The following CNTNAP5 variants were observed in gnomAD, a reference collection of about 807,000 sequenced individuals.
The protein encoded by CNTNAP5 is contactin associated protein family member 5.
A neutral mutation model predicts 150.2 loss-of-function variants in CNTNAP5; 72 were observed. The observed-to-expected ratio is 0.48, with a 90% CI of 0.40 to 0.58. CNTNAP5 has a LOEUF of 0.58. Ranked by LOEUF, CNTNAP5 falls within the 20% of genes least tolerant of loss-of-function variation. CNTNAP5 has a pLI of 0.00. For synonymous variants in CNTNAP5, 672 were observed against 619.8 expected (o/e 1.08, Z -1.25); for missense variants, 1,636 against 1,626.2 (o/e 1.01, Z -0.10).
At chr2:124,912,493 G>A (rs1195154693) in intron 23 of CNTNAP5, among the ~76,000 whole-genome samples, 1 of 152,010 alleles carries the variant, frequency 6.6e-6, no homozygotes, top group Non-Finnish European at 1.5e-5. Context: ...AGGTACAAAT[G>A]GCTATGGGAG....
At chr2:124,480,869 C>T (rs1275795481) in intron 7 of CNTNAP5, among the ~76,000 whole-genome samples, 1 of 152,116 alleles carries the variant, frequency 6.6e-6, no homozygotes, top group Non-Finnish European at 1.5e-5. Context: ...GTTATTCACT[C>T]ACTGAACAGT....
At chr2:124,553,452 C>T (rs1039799144) in intron 10 of CNTNAP5, among the ~76,000 whole-genome samples, 2 of 144,736 alleles carry the variant, frequency 1.4e-5, no homozygotes, top group Admixed American at 1.4e-4. Context: ...TGTAGTGAGC[C>T]GAAATCATGC....
At chr2:124,456,560 A>G (rs1336249463) in intron 6 of CNTNAP5, among the ~76,000 whole-genome samples, 1 of 152,160 alleles carries the variant, frequency 6.6e-6, no homozygotes, top group Non-Finnish European at 1.5e-5. Context: ...CAGCATTAGA[A>G]AAAGCAATTG....
chr2:124,242,149 T>C, intron 2 of CNTNAP5, 51 bp from the exon 3 acceptor site: 4 of 1,374,654 alleles, frequency 2.9e-6, no homozygotes, highest in Non-Finnish European at 4.0e-6. Context: ...AAATTGTAGC[T>C]ATGTGAGACA....
At chr2:124,752,455 G>T (rs927862374) in intron 14 of CNTNAP5, among the ~76,000 whole-genome samples, 3 of 152,040 alleles carry the variant, frequency 2.0e-5, no homozygotes, top group Non-Finnish European at 1.5e-5. Context: ...GAGTGAAAGT[G>T]ACACAGCTCA....
chr2:124,588,988 T>C (rs1269863844), intron 11 of CNTNAP5, among the ~76,000 whole-genome samples: 2 of 152,130 alleles, frequency 1.3e-5, no homozygotes, highest in African/African-American at 4.8e-5. Flanking sequence ...GGACCTGACC[T>C]ACAACATAAC....
intron 4 of CNTNAP5, among the ~76,000 whole-genome samples, chr2:124,427,358 T>C (rs1692262712): frequency 6.6e-6 from 1 of 152,138 alleles, no homozygotes; most frequent in Non-Finnish European, 1.5e-5. Flanking sequence ...CCCAAACCAA[T>C]CATACATTTT....
intron 1 of CNTNAP5, among the ~76,000 whole-genome samples, chr2:124,185,871 A>C (rs1685321991): frequency 6.6e-6 from 1 of 152,210 alleles, no homozygotes; most frequent in Admixed American, 6.5e-5. Context: ...TGAATCCACT[A>C]ACTGGTTATA....
chr2:124,645,603 C>A (rs1231339164), intron 12 of CNTNAP5, among the ~76,000 whole-genome samples: 1 of 152,136 alleles, frequency 6.6e-6, no homozygotes, highest in Non-Finnish European at 1.5e-5. Flanking sequence ...CAGTGAAACA[C>A]TGGGGACATG....
intron 13 of CNTNAP5, among the ~76,000 whole-genome samples, chr2:124,739,119 C>T (rs954861153): frequency 2.0e-5 from 3 of 152,090 alleles, no homozygotes; most frequent in East Asian, 1.9e-4. Context: ...TTTTGAGAGG[C>T]GGTACCATTA....
chr2:124,446,956 C>T lies in CNTNAP5; in HGVS notation c.918+19C>T. 6.2e-7 allele frequency: 1 copy of T among 1,606,392 alleles called. No homozygotes were observed. Among genetic ancestry groups the T allele is most frequent in the Non-Finnish European group, 8.5e-7 (1 of 1,174,646 alleles). On this transcript the variant is annotated intron_variant, in intron 6 of 23. Transcript: ENST00000682447. ...CTATGAGGTGAGTTGATCCTCCTTC[C>T]TGCACCTCCTCGGCCCCTTGCTTCA...
At chr2:124,806,917 T>TTC in intron 19 of CNTNAP5, among the ~76,000 whole-genome samples, 1 of 147,574 alleles carries the variant, frequency 6.8e-6, no homozygotes, top group East Asian at 2.0e-4. Context: ...TTATTTTACT[T>TTC]TTTTTTTTTT....
At chr2:124,615,823 C>T (rs377636849) in intron 12 of CNTNAP5, among the ~76,000 whole-genome samples, 3 of 152,300 alleles carry the variant, frequency 2.0e-5, no homozygotes, top group South Asian at 2.1e-4. Context: ...CTCCTTGATC[C>T]ATGAGCTGCA....
At chr2:124,111,150 A>G (rs1683289262) in intron 1 of CNTNAP5, among the ~76,000 whole-genome samples, 1 of 152,200 alleles carries the variant, frequency 6.6e-6, no homozygotes, top group Admixed American at 6.5e-5. Flanking sequence ...GAAGACAATC[A>G]AAAAATGAAA....
rs776104008 is a variant in CNTNAP5 at position 124,524,287 on chromosome 2, CTT to C, written c.1328-15_1328-14del. ...GACCCATCATCTCTATGCTTACTCT[CTT>C]GTTTCTCTTGCAGGCAGCAACTTGA... On this transcript the variant is annotated splice_polypyrimidine_tract_variant and intron_variant, in intron 8 of 23. Transcript: ENST00000682447. 24 of 1,613,522 alleles carry C rather than the reference CTT, an allele frequency of 1.5e-5. No individual in the cohort carries two copies. In the East Asian group the frequency reaches 2.5e-4, roughly 16 times the overall value.
chr2:124,214,549 A>T (rs1010337070), intron 1 of CNTNAP5, among the ~76,000 whole-genome samples: 1 of 152,196 alleles, frequency 6.6e-6, no homozygotes, highest in Non-Finnish European at 1.5e-5. Flanking sequence ...TGTGTTGATG[A>T]AACAAATGAA....
chr2:124,510,797 A>G (rs1292702316), intron 8 of CNTNAP5, among the ~76,000 whole-genome samples: 1 of 152,188 alleles, frequency 6.6e-6, no homozygotes, highest in African/African-American at 2.4e-5. Flanking sequence ...GATCTGATCC[A>G]TGTGGAAAGC....
At chr2:124,805,442 A>ACCC in intron 19 of CNTNAP5, among the ~76,000 whole-genome samples, 1 of 152,158 alleles carries the variant, frequency 6.6e-6, no homozygotes, top group Non-Finnish European at 1.5e-5. Context: ...AACATAGTCA[A>ACCC]ACACAAGGAA....
chr2:124,732,734 T>C (rs1339736190), intron 13 of CNTNAP5, among the ~76,000 whole-genome samples: 1 of 152,200 alleles, frequency 6.6e-6, no homozygotes, highest in East Asian at 1.9e-4. Context: ...AATTTCACAT[T>C]TTCAACTAAA....
Sources: allele counts gnomAD v4.1 joint callset (sites outside exome capture counted in the v4.1 genomes callset), GRCh38; gene constraint gnomAD v4.1.1; transcripts MANE v1.5; gene names NCBI Gene and HGNC (gene_info 2026-07-23, HGNC 2026-07-21).